The following ARHGAP24 variants were observed in gnomAD, a reference collection of about 807,000 sequenced individuals.
The protein encoded by ARHGAP24 is rho GTPase-activating protein 24.
Under a neutral mutation model 76.4 loss-of-function variants are expected in ARHGAP24, and 50 were observed. The ratio of observed to expected loss-of-function variants is 0.65; its 90% CI spans 0.52 to 0.83. ARHGAP24 has a LOEUF of 0.83. Among genes scored for constraint, ARHGAP24 ranks in the 40% least tolerant of loss-of-function variants. The pLI is 0.00. For synonymous variants in ARHGAP24, 345 were observed against 323.3 expected, an observed-to-expected ratio of 1.07 and a Z score of -0.72; for missense variants, 930 against 914.2, an observed-to-expected ratio of 1.02 and a Z score of -0.22.
At position 85,851,960 on chromosome 4, in the gene ARHGAP24, G is replaced by A. The variant is rs558007466; in HGVS notation, c.269-71688G>A. On this transcript the variant is annotated intron_variant, in intron 3 of 9. Transcript: ENST00000395184. ...GCTCTTCTCAAGGAGTGTCTTTGTA[G>A]TGTTCTCTGTATTTCTTGAATTTGA... 9.2e-5 allele frequency among the ~76,000 whole-genome samples: 14 copies of A among 152,226 alleles called. No homozygotes were observed. In the South Asian group the frequency reaches 2.9e-3, roughly 32 times the overall value.
chr4:85,728,225 C>A, intron 3 of ARHGAP24, among the ~76,000 whole-genome samples: 1 of 122,074 alleles, frequency 8.2e-6, no homozygotes, highest in Non-Finnish European at 1.6e-5. Flanking sequence ...TGCATTGATC[C>A]TTTTGCCAAA....
At position 85,569,381 on chromosome 4, in the gene ARHGAP24, G is replaced by T. The variant is rs113897079; in HGVS notation, c.-20-1141G>T. Among the ~76,000 whole-genome samples the T allele has an allele frequency of 1.4e-4, 22 of 152,278 alleles. 1 individual carries two copies. The highest frequency in any genetic ancestry group is 5.3e-4 in the African/African-American group (22 of 41,576). On this transcript the variant is annotated intron_variant, in intron 1 of 9. Transcript: ENST00000395184. ...AATGTTTAGAAATAAACATTAGCAA[G>T]AATTTGGAAGAAGATTTTGGGACAG...
intron 2 of ARHGAP24, among the ~76,000 whole-genome samples, chr4:85,622,237 T>C: frequency 9.4e-6 from 1 of 106,300 alleles, no homozygotes; most frequent in East Asian, 8.6e-4. Flanking sequence ...CCTAATGCTA[T>C]CCCTCCCCCC....
intron 3 of ARHGAP24, among the ~76,000 whole-genome samples, chr4:85,793,464 G>C (rs547398425): frequency 6.6e-6 from 1 of 152,166 alleles, no homozygotes; most frequent in South Asian, 2.1e-4. Flanking sequence ...AATGAAAACA[G>C]GGCAAGTAGA....
intron 2 of ARHGAP24, among the ~76,000 whole-genome samples, chr4:85,680,183 C>T (rs1231142086): frequency 6.6e-6 from 1 of 152,154 alleles, no homozygotes; most frequent in Non-Finnish European, 1.5e-5. Context: ...TACAAGGGAA[C>T]TTTCTGGCCT....
intron 4 of ARHGAP24, among the ~76,000 whole-genome samples, chr4:85,934,506 T>TTTTA (rs1397424421): frequency 1.4e-4 from 22 of 152,168 alleles, no homozygotes; most frequent in African/African-American, 5.3e-4. Flanking sequence ...TATGTTTTAT[T>TTTTA]TTTATTTATT....
intron 3 of ARHGAP24, among the ~76,000 whole-genome samples, chr4:85,848,537 T>C (rs1217658377): frequency 1.3e-5 from 2 of 152,232 alleles, no homozygotes; most frequent in African/African-American, 4.8e-5. Flanking sequence ...GGCTGCATAG[T>C]ATTCCATGGT....
At chr4:85,707,138 C>T (rs1358008625) in intron 2 of ARHGAP24, among the ~76,000 whole-genome samples, 1 of 152,104 alleles carries the variant, frequency 6.6e-6, no homozygotes, top group Non-Finnish European at 1.5e-5. Flanking sequence ...GCTGTTACCT[C>T]CTGGTGCCAA....
At chr4:85,726,941 G>A (rs1406711770) in intron 3 of ARHGAP24, among the ~76,000 whole-genome samples, 1 of 152,154 alleles carries the variant, frequency 6.6e-6, no homozygotes, top group Non-Finnish European at 1.5e-5. Flanking sequence ...GGCCGAGGTA[G>A]GGGTATCACC....
intron 2 of ARHGAP24, among the ~76,000 whole-genome samples, chr4:85,700,688 A>G (rs970683814): frequency 1.1e-4 from 16 of 152,152 alleles, no homozygotes; most frequent in African/African-American, 3.6e-4. Context: ...AGTATATATG[A>G]ATAACAAATC....
chr4:85,481,702 C>A (rs1005933798), intron 1 of ARHGAP24, among the ~76,000 whole-genome samples: 3 of 152,132 alleles, frequency 2.0e-5, no homozygotes, highest in Admixed American at 2.0e-4. Flanking sequence ...TGGGGACATA[C>A]GTCCTGGGAG....
At chr4:85,609,630 T>G (rs967365995) in intron 2 of ARHGAP24, among the ~76,000 whole-genome samples, 1 of 152,188 alleles carries the variant, frequency 6.6e-6, no homozygotes, top group African/African-American at 2.4e-5. Context: ...ATTATCACAA[T>G]TGGGAAGGCA....
chr4:85,599,665 TAA>T (rs1719966514), intron 2 of ARHGAP24, among the ~76,000 whole-genome samples: 1 of 151,780 alleles, frequency 6.6e-6, no homozygotes, highest in Non-Finnish European at 1.5e-5. Context: ...GAATTGCTAT[TAA>T]ATTATTTTTT....
intron 2 of ARHGAP24, among the ~76,000 whole-genome samples, chr4:85,707,393 A>T (rs1366967665): frequency 7.0e-6 from 1 of 141,922 alleles, no homozygotes; most frequent in African/African-American, 2.6e-5. Flanking sequence ...TTCTTGAATT[A>T]GTATTTTATT....
intron 1 of ARHGAP24, among the ~76,000 whole-genome samples, chr4:85,492,416 C>T (rs115114828): frequency 6.6e-6 from 1 of 152,114 alleles, no homozygotes; most frequent in Non-Finnish European, 1.5e-5. Flanking sequence ...CTACTCCTAT[C>T]CTCATAAAGC....
At chr4:85,992,264 T>C (rs1740375155) in intron 8 of ARHGAP24, 1 of 394,948 alleles carries the variant, frequency 2.5e-6, no homozygotes, top group Non-Finnish European at 4.5e-6. Context: ...TAAACAACTA[T>C]AAAAATTCTA....
intron 3 of ARHGAP24, among the ~76,000 whole-genome samples, chr4:85,736,259 A>T (rs1038147655): frequency 2.0e-5 from 3 of 152,124 alleles, no homozygotes; most frequent in Non-Finnish European, 4.4e-5. Flanking sequence ...TCTGTCTCTC[A>T]CTCAAGAATG....
At chr4:85,696,999 T>C (rs1318564359) in intron 2 of ARHGAP24, among the ~76,000 whole-genome samples, 3 of 152,162 alleles carry the variant, frequency 2.0e-5, no homozygotes, top group Admixed American at 1.3e-4. Context: ...TCGTGAGCAA[T>C]AATATCGGAG....
intron 3 of ARHGAP24, among the ~76,000 whole-genome samples, chr4:85,861,433 A>C (rs138897155): frequency 4.4e-4 from 67 of 152,192 alleles, no homozygotes; most frequent in African/African-American, 1.5e-3. Context: ...TCTTATTGCT[A>C]TGCTGGAACT....
Sources: allele counts gnomAD v4.1 joint callset (sites outside exome capture counted in the v4.1 genomes callset), GRCh38; gene constraint gnomAD v4.1.1; transcripts MANE v1.5; gene names NCBI Gene and HGNC (gene_info 2026-07-23, HGNC 2026-07-21).